Variants in PREP observed in about 807,000 individuals in gnomAD.
PREP encodes prolyl endopeptidase, also known as dJ355L5.1 (prolyl endopeptidase).
Under a neutral mutation model 87.6 loss-of-function variants are expected in PREP, and 29 were observed. The ratio of observed to expected loss-of-function variants is 0.33; its 90% CI spans 0.25 to 0.45. The LOEUF is 0.45. PREP is among the 20% of genes least tolerant of loss of function. The pLI is 1.00. For missense variants in PREP, 695 were observed against 886.5 expected (o/e 0.78, Z 2.74); for synonymous variants, 337 against 328.6 (o/e 1.03, Z -0.28).
At chr6:105,296,131 C>T (rs1770405194) in intron 10 of PREP, among the ~76,000 whole-genome samples, 1 of 152,216 alleles carries the variant, frequency 6.6e-6, no homozygotes, top group Admixed American at 6.5e-5. Flanking sequence ...GTCCATGCCT[C>T]ATCAGCAGTG....
intron 8 of PREP, among the ~76,000 whole-genome samples, chr6:105,332,578 T>C (rs1771364965): frequency 6.6e-6 from 1 of 152,208 alleles, no homozygotes; most frequent in Admixed American, 6.5e-5. Context: ...GCAGCAGCAG[T>C]TCACCACCAC....
intron 10 of PREP, among the ~76,000 whole-genome samples, chr6:105,290,237 T>C (rs1180592218): frequency 1.3e-5 from 2 of 152,070 alleles, no homozygotes; most frequent in African/African-American, 4.8e-5. Context: ...ACTGTGTGGG[T>C]AGGTACAAGT....
intron 5 of PREP, among the ~76,000 whole-genome samples, chr6:105,369,503 T>C (rs717324): frequency 0.21 from 31,857 of 152,194 alleles, 4,942 homozygotes; most frequent in African/African-American, 0.44. Flanking sequence ...GACTAGCCAA[T>C]ACAATACAGA....
At chr6:105,393,241 A>G (rs1378816362) in intron 2 of PREP, among the ~76,000 whole-genome samples, 6 of 152,358 alleles carry the variant, frequency 3.9e-5, no homozygotes, top group Non-Finnish European at 7.3e-5. Context: ...TAGCTCTTTT[A>G]TAAGATCTGA....
chr6:105,300,020 CT>C (rs1770498786), intron 10 of PREP, among the ~76,000 whole-genome samples: 2 of 152,022 alleles, frequency 1.3e-5, no homozygotes, highest in South Asian at 2.1e-4. Context: ...CCTCAGCCTC[CT>C]GAGTAGCTGA....
chr6:105,372,257 T>TA (rs1772578531), intron 5 of PREP, among the ~76,000 whole-genome samples: 1 of 150,638 alleles, frequency 6.6e-6, no homozygotes, highest in African/African-American at 2.4e-5. Flanking sequence ...ATGACAAAGA[T>TA]ACAACAAGTC....
chr6:105,354,870 C>G (rs1412822418), intron 6 of PREP, among the ~76,000 whole-genome samples: 1 of 152,102 alleles, frequency 6.6e-6, no homozygotes, highest in Non-Finnish European at 1.5e-5. Context: ...AGCTGTTATT[C>G]TTTCATTTGC....
chr6:105,278,360 G>A lies in PREP; in HGVS notation c.1917C>T (p.Asp639=). 1.2e-6 allele frequency: 2 copies of A among 1,614,212 alleles called. No individual in the cohort carries two copies. The highest frequency in any genetic ancestry group is 1.3e-5 in the African/African-American group (1 of 75,064). The change falls in exon 15 of 15, where the codon GAC becomes GAT. Residue 639 remains aspartate, a synonymous_variant. Coordinates refer to ENST00000652536, the MANE Select transcript of PREP (RefSeq NM_002726.5). This position sits in a 1 kb window ranked among gnomAD's most constrained non-coding sequence, Gnocchi z 4.2. ...QYPSMLLLTA[D]HDDRVVPLHS... Reference sequence around the variant, plus strand: ...GAAGCGGGACCACGCGGTCATCATGGTCAGCAGTGAGGAGCAGCATGGACG... The same window carrying A: ...GAAGCGGGACCACGCGGTCATCATGATCAGCAGTGAGGAGCAGCATGGACG...
At chr6:105,317,206 C>T (rs906960862) in intron 10 of PREP, among the ~76,000 whole-genome samples, 3 of 152,022 alleles carry the variant, frequency 2.0e-5, no homozygotes, top group Non-Finnish European at 4.4e-5. Flanking sequence ...GATCTCCCTG[C>T]ACCAGCCTCT....
chr6:105,390,589 A>C (rs1773115096), intron 2 of PREP, among the ~76,000 whole-genome samples: 1 of 152,174 alleles, frequency 6.6e-6, no homozygotes, highest in African/African-American at 2.4e-5. Flanking sequence ...GAAAGGTGTA[A>C]ATTTTTCTTT....
At chr6:105,370,073 G>A (rs1202707054) in intron 5 of PREP, among the ~76,000 whole-genome samples, 2 of 151,978 alleles carry the variant, frequency 1.3e-5, no homozygotes, top group Non-Finnish European at 2.9e-5. Flanking sequence ...CCAACATGGT[G>A]AAATCCCGTC....
chr6:105,280,347 G>A (rs892131024), intron 14 of PREP, among the ~76,000 whole-genome samples: 3 of 152,154 alleles, frequency 2.0e-5, no homozygotes, highest in African/African-American at 7.2e-5. Context: ...ATCAAAATTT[G>A]TAGTTTACTA....
chr6:105,371,500 CAAAAAAAAAAAAA>C (rs528772896), intron 5 of PREP, among the ~76,000 whole-genome samples: 1 of 44,804 alleles, frequency 2.2e-5, no homozygotes, highest in Non-Finnish European at 4.7e-5. Flanking sequence ...GATTCCATCT[CAAAAAAAAAAAAA>C]AAAAAAAAAA....
At chr6:105,323,606 G>T in intron 10 of PREP, 59 bp downstream of exon 10, 1 of 1,430,214 alleles carries the variant, frequency 7.0e-7, no homozygotes, top group Non-Finnish European at 9.9e-7. Flanking sequence ...AGTGTGAATG[G>T]CCCAGCCTGA....
chr6:105,326,824 A>T (rs1295120863), intron 9 of PREP, among the ~76,000 whole-genome samples: 1 of 152,260 alleles, frequency 6.6e-6, no homozygotes, highest in African/African-American at 2.4e-5. Flanking sequence ...TAGTAAAAGG[A>T]GACAGACAAA....
intron 10 of PREP, among the ~76,000 whole-genome samples, chr6:105,293,601 T>TAA (rs199738673): frequency 6.3e-4 from 82 of 130,526 alleles, no homozygotes; most frequent in African/African-American, 1.9e-3. Flanking sequence ...CTTCAATTTG[T>TAA]AAAAAAAAAA....
chr6:105,371,670 T>C lies in PREP; in HGVS notation c.595+1699A>G, dbSNP rs1772552435. Among the ~76,000 whole-genome samples, 2 of 151,968 alleles carry C rather than the reference T, an allele frequency of 1.3e-5. 1 individual carries two copies. The highest frequency in any genetic ancestry group is 2.9e-5 in the Non-Finnish European group (2 of 68,000). ...CAAGGGAGGGAAAAACATAAGATAA[T>C]ACCAGAATGTAAAAAAAGCTTCATG... On this transcript the variant is annotated intron_variant, in intron 5 of 14. Transcript: ENST00000652536.
chr6:105,292,692 C>T (rs1770324811), intron 10 of PREP, among the ~76,000 whole-genome samples: 1 of 152,234 alleles, frequency 6.6e-6, no homozygotes, highest in South Asian at 2.1e-4. Flanking sequence ...CTATGAAAGT[C>T]TGAGATGATA....
At chr6:105,386,740 G>A (rs910139277) in intron 2 of PREP, among the ~76,000 whole-genome samples, 1 of 152,172 alleles carries the variant, frequency 6.6e-6, no homozygotes, top group African/African-American at 2.4e-5. Flanking sequence ...AGAATTACCT[G>A]AGGGTGAGGA....
Sources: gnomAD v4.1 joint callset for allele counts (sites outside exome capture counted in the v4.1 genomes callset) on GRCh38, gnomAD v4.1.1 for gene constraint, Gnocchi (gnomAD v3.1) non-coding constraint, MANE v1.5 for transcripts, NCBI Gene and HGNC (gene_info 2026-07-23, HGNC 2026-07-21) for gene names.